ATP10B: variants seen among roughly 807,000 people sequenced by gnomAD.
ATP10B encodes the protein phospholipid-transporting ATPase VB.
In ATP10B, 122 loss-of-function variants were observed where a neutral mutation model predicts 141.2. The observed-to-expected ratio is 0.86, with a 90% CI of 0.75 to 1.00. The LOEUF (loss-of-function observed/expected upper bound fraction) is 1.00, where lower values mean the gene tolerates loss of function less well. ATP10B is among the 50% of genes least tolerant of loss of function. The pLI is 0.00. For missense variants in ATP10B, 1,876 were observed against 1,825.3 expected, an observed-to-expected ratio of 1.03 and a Z score of -0.51; for synonymous variants, 685 against 692.0, an observed-to-expected ratio of 0.99 and a Z score of 0.16.
intron 8 of ATP10B, among the ~76,000 whole-genome samples, chr5:160,646,629 C>T (rs1406679711): frequency 6.6e-6 from 1 of 152,122 alleles, no homozygotes; most frequent in Admixed American, 6.5e-5. Context: ...AAGGAGGAGG[C>T]TGGCTGTGGA....
the ATP10B span, among the ~76,000 whole-genome samples, chr5:160,880,167 A>T: frequency 6.8e-6 from 1 of 147,400 alleles, no homozygotes; most frequent in African/African-American, 2.5e-5. Context: ...AAATATAAAT[A>T]AAAATATATA....
At chr5:160,891,002 CGT>C in the ATP10B span, among the ~76,000 whole-genome samples, 70,177 of 151,026 alleles carry the variant, frequency 0.46, 17,277 homozygotes, top group East Asian at 0.56. Context: ...TATGTGTGTG[CGT>C]GTGTGTGTGT....
chr5:160,857,783 T>G, the ATP10B span, among the ~76,000 whole-genome samples: 1 of 151,898 alleles, frequency 6.6e-6, no homozygotes, highest in Non-Finnish European at 1.5e-5. Flanking sequence ...TAGATGTGTA[T>G]AGTTTAATTT....
chr5:160,653,912 A>T (rs1219570534), intron 7 of ATP10B, among the ~76,000 whole-genome samples: 343 of 1,026 alleles, frequency 0.33, 156 homozygotes, highest in African/African-American at 0.73. Flanking sequence ...ATACGTATAT[A>T]CATATATAAA....
At chr5:160,705,247 G>T (rs1328817938) in intron 3 of ATP10B, among the ~76,000 whole-genome samples, 1 of 152,016 alleles carries the variant, frequency 6.6e-6, no homozygotes, top group Non-Finnish European at 1.5e-5. Flanking sequence ...ACAGGGATTT[G>T]CTCTGTTGTC....
chr5:160,634,406 C>A lies in ATP10B; in HGVS notation c.1329G>T (p.Met443Ile). The A allele has an allele frequency of 6.2e-7, 1 of 1,614,126 alleles. No homozygotes were observed. Among genetic ancestry groups the A allele is most frequent in the Non-Finnish European group, 8.5e-7 (1 of 1,180,024 alleles). Residue 443 changes from methionine to isoleucine, a missense_variant, in exon 12 of 26, where the codon ATG becomes ATT. Physicochemically the swap from Met to Ile is conservative, Grantham distance 10. Coordinates refer to ENST00000327245, the MANE Select transcript of ATP10B (RefSeq NM_025153.3). ...CCATGATGGTGCAACGTCGGAACAC[C>A]ATCTTGTTCTCTGTCAGGGTCCCCG... The part of the protein sequence containing the change: ...DKTGTLTENK[M>I]VFRRCTIMGS...
chr5:160,717,371 G>C (rs576975663), intron 2 of ATP10B, among the ~76,000 whole-genome samples: 1 of 152,110 alleles, frequency 6.6e-6, no homozygotes, highest in African/African-American at 2.4e-5. Flanking sequence ...TTTGGGGAGC[G>C]TATGTATATC....
chr5:160,624,342 C>T (rs555331470), intron 13 of ATP10B, among the ~76,000 whole-genome samples: 48 of 152,256 alleles, frequency 3.2e-4, no homozygotes, highest in Non-Finnish European at 5.4e-4. Flanking sequence ...AGACATACCC[C>T]ACAAGAATGG....
At chr5:160,810,122 A>T (rs2127945632) in intron 1 of ATP10B, among the ~76,000 whole-genome samples, 1 of 152,226 alleles carries the variant, frequency 6.6e-6, no homozygotes, top group East Asian at 1.9e-4. Flanking sequence ...TTTTTAGAAA[A>T]TGAATTATTT....
chr5:160,900,800 T>TTGC, the ATP10B span, among the ~76,000 whole-genome samples: 77 of 151,252 alleles, frequency 5.1e-4, no homozygotes, highest in Non-Finnish European at 8.7e-4. Context: ...ACATTTTTTT[T>TTGC]TTATTTGTGG....
chr5:160,579,830 T>C (rs1755431261), intron 24 of ATP10B, among the ~76,000 whole-genome samples: 1 of 152,234 alleles, frequency 6.6e-6, no homozygotes, highest in Non-Finnish European at 1.5e-5. Context: ...TTGTGTCCTC[T>C]CTTATTTCTT....
intron 2 of ATP10B, among the ~76,000 whole-genome samples, chr5:160,769,781 T>G (rs1305639295): frequency 6.6e-6 from 1 of 152,218 alleles, no homozygotes; most frequent in Non-Finnish European, 1.5e-5. Flanking sequence ...TTAGTAGCAT[T>G]GCCATAGCAC....
At chr5:160,730,262 C>G (rs958694364) in intron 2 of ATP10B, among the ~76,000 whole-genome samples, 1 of 152,106 alleles carries the variant, frequency 6.6e-6, no homozygotes, top group Non-Finnish European at 1.5e-5. Flanking sequence ...GCATCAGGAC[C>G]AGGGCTCTGC....
chr5:160,606,945 C>A lies in ATP10B; in HGVS notation c.2980G>T (p.Ala994Ser), dbSNP rs753483912. The A allele has an allele frequency of 5.6e-6, 9 of 1,614,180 alleles. No individual in the cohort carries two copies. The South Asian group carries it at 8.8e-5, about 16-fold the overall frequency. ...SITSEAVVPE[A>S]GLVIDGKTLN... ...GTCTTCCCATCGATGACCAATCCAG[C>A]TTCTGGAACCACAGCTTCTGAGGTG... Residue 994 changes from alanine (A) to serine (S), a missense_variant, in exon 19 of 26, where the codon GCT (alanine) becomes TCT (serine). By Grantham distance (99) the Ala-to-Ser change is moderately conservative. Transcript: ENST00000327245.
At chr5:160,813,363 C>A (rs926954831) in intron 1 of ATP10B, among the ~76,000 whole-genome samples, 1 of 152,132 alleles carries the variant, frequency 6.6e-6, no homozygotes. Flanking sequence ...GAGGGTCCTA[C>A]GCCCACAGAG....
Position 160,606,937 on chromosome 5 carries a change from C to A in ATP10B, c.2988G>T (p.Leu996Phe). The change falls in exon 19 of 26, where the codon TTG (leucine) becomes TTT (phenylalanine). Residue 996 changes from leucine to phenylalanine, a missense_variant. By Grantham distance (22) the Leu-to-Phe change is conservative (BLOSUM62 0). Transcript: ENST00000327245. ...CATTCAATGTCTTCCCATCGATGAC[C>A]AATCCAGCTTCTGGAACCACAGCTT... The part of the protein sequence containing the change: ...TSEAVVPEAG[L>F]VIDGKTLNAI... 2 of 1,614,142 alleles carry A rather than the reference C, an allele frequency of 1.2e-6. No homozygotes were observed. Among genetic ancestry groups the A allele is most frequent in the Non-Finnish European group, 8.5e-7 (1 of 1,180,008 alleles).
rs1212152894 is a variant in ATP10B at position 160,591,116 on chromosome 5, C to T, written c.3588G>A (p.Trp1196Ter). ...NSECYNLSTFWISMVDAFYQS... is the reference protein window; with the variant it reads ...NSECYNLSTF ...GGTAGAATGCATCCACCATAGAAAT[C>T]CAGAAAGTCGACAGGTTATAGCACT... Residue 1196 changes from tryptophan (W) to a stop codon, truncating the protein, a stop_gained, in exon 23 of 26, where the codon TGG (tryptophan) becomes TGA (stop). Coordinates refer to ENST00000327245, the MANE Select transcript of ATP10B (RefSeq NM_025153.3). LOFTEE classifies it high-confidence loss of function. The T allele has an allele frequency of 1.2e-6, 2 of 1,614,012 alleles. No individual in the cohort carries two copies. Among genetic ancestry groups the T allele is most frequent in the Non-Finnish European group, 1.7e-6 (2 of 1,179,914 alleles).
the ATP10B span, among the ~76,000 whole-genome samples, chr5:160,893,171 T>G: frequency 6.6e-6 from 1 of 151,910 alleles, no homozygotes; most frequent in African/African-American, 2.4e-5. Context: ...CATACCCAAG[T>G]GGCACCTGGA....
intron 1 of ATP10B, among the ~76,000 whole-genome samples, chr5:160,837,419 T>C (rs1190228395): frequency 6.6e-6 from 1 of 152,196 alleles, no homozygotes; most frequent in African/African-American, 2.4e-5. Flanking sequence ...TGTTAAATAT[T>C]TGTTGAAATG....
Sources: allele counts gnomAD v4.1 joint callset (sites outside exome capture counted in the v4.1 genomes callset), GRCh38; gene constraint gnomAD v4.1.1; transcripts MANE v1.5; gene names NCBI Gene and HGNC (gene_info 2026-07-23, HGNC 2026-07-21).